The following KIF1B variants were observed in gnomAD, a reference collection of about 807,000 sequenced individuals.
The protein encoded by KIF1B is kinesin-like protein KIF1B.
Under a neutral mutation model 241.9 loss-of-function variants are expected in KIF1B, and 76 were observed. The ratio of observed to expected loss-of-function variants is 0.31; its 90% confidence interval spans 0.26 to 0.38. KIF1B has a LOEUF of 0.38. Among genes scored for constraint, KIF1B ranks in the 10% least tolerant of loss-of-function variants. The pLI is 1.00. For missense variants in KIF1B, 1,622 were observed against 2,271.4 expected, an observed-to-expected ratio of 0.71 and a Z score of 5.81; for synonymous variants, 750 against 796.7, an observed-to-expected ratio of 0.94 and a Z score of 0.99.
Position 10,303,418 on chromosome 1 carries a change from T to C in KIF1B, c.2115+6172T>C. ...AATTCAGGCTGTCAAAGAGATTTGCTATGAGGTTGCTCTCAATGACTTCAG... is the reference window on the plus strand; with the variant it reads ...AATTCAGGCTGTCAAAGAGATTTGCCATGAGGTTGCTCTCAATGACTTCAG... On this transcript the variant is annotated intron_variant, in intron 22 of 48. Transcript: ENST00000676179. This position sits in a 1 kb window ranked among gnomAD's most constrained non-coding sequence, Gnocchi z 5.2. The C allele has an allele frequency of 6.2e-7, 1 of 1,614,228 alleles. No individual in the cohort carries two copies. Among genetic ancestry groups the C allele is most frequent in the Non-Finnish European group, 8.5e-7 (1 of 1,180,036 alleles).
rs928429618 is a variant in KIF1B, at chr1:10,380,633, G to A, written c.*4046G>A. The A allele has an allele frequency of 1.6e-5, 3 of 191,358 alleles. No individual in the cohort carries two copies. The highest frequency in any genetic ancestry group is 3.3e-5 in the Non-Finnish European group (3 of 91,104). 11.9% of individuals were successfully genotyped at this position (191,358 alleles called of 1,614,324 possible). A position where few individuals can be genotyped will look rare whatever the true frequency, so the allele number is the denominator to read the frequency against. ...AGGCAGGAGAATAGCTTGAACCTGG[G>A]AGGTGGAGGCTGCAGTGAGTTGAGA... On this transcript the variant is annotated 3_prime_UTR_variant, in exon 49 of 49. Coordinates refer to ENST00000676179, the MANE Select transcript of KIF1B (RefSeq NM_001365951.3).
intron 2 of KIF1B, among the ~76,000 whole-genome samples, chr1:10,232,665 T>G (rs1408890903): frequency 1.3e-5 from 2 of 152,206 alleles, no homozygotes; most frequent in Admixed American, 1.3e-4. Flanking sequence ...ACTGAACTAA[T>G]TTAGCAAGTG....
At chr1:10,277,642 A>AT (rs1216477895) in intron 12 of KIF1B, among the ~76,000 whole-genome samples, 2 of 152,116 alleles carry the variant, frequency 1.3e-5, no homozygotes, top group South Asian at 2.1e-4. Flanking sequence ...CGAGGCCTGT[A>AT]TTTTTTTATG....
At chr1:10,339,694 A>C (rs556069611) in intron 31 of KIF1B, 75 bp from the exon 32 acceptor site, 1 of 1,211,898 alleles carries the variant, frequency 8.3e-7, no homozygotes, top group Admixed American at 1.9e-5. Context: ...TAGGATCCAC[A>C]TTGGGCTCTT....
intron 5 of KIF1B, among the ~76,000 whole-genome samples, chr1:10,264,576 C>T (rs1045710543): frequency 3.3e-5 from 5 of 152,210 alleles, no homozygotes; most frequent in African/African-American, 1.2e-4. Context: ...AGAATCATCT[C>T]ACTTTCTAGG....
intron 10 of KIF1B, among the ~76,000 whole-genome samples, chr1:10,273,934 CTT>C (rs35845856): frequency 6.0e-5 from 7 of 116,804 alleles, no homozygotes; most frequent in Admixed American, 9.7e-5. Flanking sequence ...TTAGTAGCTT[CTT>C]TTTTTTTTTT....
At chr1:10,283,675 A>G (rs989441515) in intron 15 of KIF1B, among the ~76,000 whole-genome samples, 1 of 152,170 alleles carries the variant, frequency 6.6e-6, no homozygotes, top group Non-Finnish European at 1.5e-5. Flanking sequence ...TTCTTTCCCT[A>G]CTTGTCACCT....
chr1:10,291,167 G>A lies in KIF1B; in HGVS notation c.1514+6G>A, dbSNP rs753633989. On this transcript the variant is annotated splice_donor_region_variant and intron_variant, in intron 16 of 48. Transcript: ENST00000676179. The stretch of plus-strand genomic sequence containing the variant: ...GAGGCCATCAGAATGGAGAGGTCAG[G>A]AGGTTAAAATCTGGAAATGTTTCTA... 3.1e-6 allele frequency: 5 copies of A among 1,599,388 alleles called. No individual in the cohort carries two copies. The highest frequency in any genetic ancestry group is 4.3e-6 in the Non-Finnish European group (5 of 1,167,074).
Position 10,240,721 on chromosome 1 carries a change from A to ATTTTTTTTTTTTTTTTTTT in KIF1B, c.106+8290_106+8308dup, listed in dbSNP as rs34449939. The stretch of plus-strand genomic sequence containing the variant: ...GGATTTAAGAATTTATGGGTAGTTC[A>ATTTTTTTTTTTTTTTTTTT]TTTTTTTTTTTTTTTTTTTTTGGTA... On this transcript the variant is annotated intron_variant, in intron 2 of 48. Transcript: ENST00000676179. Among the ~76,000 whole-genome samples the ATTTTTTTTTTTTTTTTTTT allele has an allele frequency of 1.8e-5, 2 of 110,052 alleles. 1 individual carries two copies. Among genetic ancestry groups the ATTTTTTTTTTTTTTTTTTT allele is most frequent in the African/African-American group, 6.9e-5 (2 of 29,172 alleles). The allele number at this position is 110,052 out of a possible 152,430, so 72.2% of individuals were successfully genotyped here.
intron 6 of KIF1B, 59 bp from the exon 7 acceptor site, chr1:10,268,093 C>G: frequency 9.5e-7 from 1 of 1,052,158 alleles, no homozygotes; most frequent in Non-Finnish European, 1.5e-6. Context: ...AGCCTGCTGT[C>G]CATTTCAACT....
chr1:10,275,965 G>T lies in KIF1B; in HGVS notation c.959-356G>T, dbSNP rs1304764312. Among the ~76,000 whole-genome samples the T allele has an allele frequency of 6.0e-5, 9 of 150,620 alleles. No individual in the cohort carries two copies. In the South Asian group the frequency reaches 1.7e-3, roughly 28 times the overall value. On this transcript the variant is annotated intron_variant, in intron 11 of 48. Coordinates refer to ENST00000676179, the MANE Select transcript of KIF1B (RefSeq NM_001365951.3). ...CTGTTGCCCAGGCTGGAGTGCGGTGGTGCAATCTTGGCTCACTGCAGCCTC... is the reference window on the plus strand; with the variant it reads ...CTGTTGCCCAGGCTGGAGTGCGGTGTTGCAATCTTGGCTCACTGCAGCCTC...
intron 2 of KIF1B, among the ~76,000 whole-genome samples, chr1:10,243,656 G>T (rs973048912): frequency 3.3e-5 from 5 of 152,098 alleles, no homozygotes; most frequent in Non-Finnish European, 7.4e-5. Context: ...AGAAAATGAA[G>T]TTGGGCTGTC....
intron 14 of KIF1B, among the ~76,000 whole-genome samples, chr1:10,279,716 T>C (rs979948211): frequency 1.3e-5 from 1 of 78,940 alleles, no homozygotes; most frequent in Non-Finnish European, 2.4e-5. Flanking sequence ...TTTTTTTTTT[T>C]AGACAGTCTC....
chr1:10,361,443 C>T (rs1159395998), intron 39 of KIF1B, among the ~76,000 whole-genome samples: 3 of 152,190 alleles, frequency 2.0e-5, no homozygotes, highest in Non-Finnish European at 2.9e-5. Flanking sequence ...CTTGGAGAAA[C>T]TCTCTTTGCC....
chr1:10,221,631 G>A (rs931163000), intron 1 of KIF1B, among the ~76,000 whole-genome samples: 1 of 152,102 alleles, frequency 6.6e-6, no homozygotes, highest in African/African-American at 2.4e-5. Flanking sequence ...TGCAAAATGT[G>A]ATATAAGGAG....
intron 40 of KIF1B, 124 bp downstream of exon 40, chr1:10,361,949 T>C: frequency 9.0e-7 from 1 of 1,108,648 alleles, no homozygotes. Flanking sequence ...TTTTGGTAAC[T>C]GACACCTGGA....
At chr1:10,317,627 C>G (rs764281556) in intron 22 of KIF1B, among the ~76,000 whole-genome samples, 30 of 151,264 alleles carry the variant, frequency 2.0e-4, no homozygotes, top group Non-Finnish European at 3.7e-4. Context: ...GTAAGGAGTT[C>G]GAGACCAGCC....
chr1:10,261,433 G>A (rs1648138567), intron 4 of KIF1B, among the ~76,000 whole-genome samples: 2 of 151,892 alleles, frequency 1.3e-5, no homozygotes, highest in African/African-American at 4.8e-5. Context: ...TAGTAGAGAT[G>A]GGGTTTCACC....
At position 10,381,054 on chromosome 1, in the gene KIF1B, GAA is replaced by G. The variant is rs1380893294; in HGVS notation, c.*4469_*4470del. ...ATAGCCAAACGGCTGTGCTCAGATGGAAAGTCTGAGCTGAGGTTGGTCTCTTG... is the reference window on the plus strand; with the variant it reads ...ATAGCCAAACGGCTGTGCTCAGATGGAGTCTGAGCTGAGGTTGGTCTCTTG... On this transcript the variant is annotated 3_prime_UTR_variant, in exon 49 of 49. Transcript: ENST00000676179. The G allele has an allele frequency of 4.5e-6, 1 of 223,640 alleles. No individual in the cohort carries two copies. Among genetic ancestry groups the G allele is most frequent in the African/African-American group, 2.2e-5 (1 of 44,794 alleles). The allele number at this position is 223,640 out of a possible 1,614,324, so 13.9% of individuals were successfully genotyped here.
Sources: allele counts gnomAD v4.1 joint callset (sites outside exome capture counted in the v4.1 genomes callset), GRCh38; gene constraint gnomAD v4.1.1; non-coding constraint Gnocchi (gnomAD v3.1); transcripts MANE v1.5; gene names NCBI Gene and HGNC (gene_info 2026-07-23, HGNC 2026-07-21).